Variants in RTN4RL1 observed in about 807,000 individuals in gnomAD.
The protein encoded by RTN4RL1 is reticulon-4 receptor-like 1.
In RTN4RL1, 7 loss-of-function variants were observed where a neutral mutation model predicts 25.6. That is an observed-to-expected ratio of 0.27 (90% CI 0.16 to 0.51). RTN4RL1 has a LOEUF of 0.51. Ranked by LOEUF, RTN4RL1 falls within the 20% of genes least tolerant of loss-of-function variation. The probability of loss-of-function intolerance (pLI) is 0.97; values close to 1 mark genes in which losing one functional copy is unlikely to be tolerated. For synonymous variants in RTN4RL1, 297 were observed against 288.2 expected (o/e 1.03, Z -0.31); for missense variants, 500 against 615.6 (o/e 0.81, Z 1.99).
rs573978641 is a variant in RTN4RL1, at chr17:1,957,750, A to G, written c.14-19942T>C. ...TCCCAGCTACTCGGGAGGCTGAGGC[A>G]GGAGAATCGCTTGAACCCAGGAGGT... On this transcript the variant is annotated intron_variant, in intron 1 of 1. Transcript: ENST00000331238. Among the ~76,000 whole-genome samples, 111 of 152,322 alleles carry G rather than the reference A, an allele frequency of 7.3e-4. 1 individual carries two copies. The highest frequency in any genetic ancestry group is 2.6e-3 in the African/African-American group (107 of 41,574).
At position 1,936,928 on chromosome 17, in the gene RTN4RL1, G is replaced by T. The variant is rs774535180; in HGVS notation, c.894C>A (p.Ala298=). ...GTCCCGTGCAGTTCCGGAAGTCCTC[G>T]GCCCTCAGCAGCTTCAGGTCCTGGC... The part of the protein sequence containing the change: ...RHGQDLKLLR[A]EDFRNCTGPA... Residue 298 remains alanine, a synonymous_variant, in exon 2 of 2, where the codon GCC becomes GCA. Transcript: ENST00000331238. The T allele has an allele frequency of 1.5e-5, 24 of 1,610,372 alleles. No homozygotes were observed. The highest frequency in any genetic ancestry group is 2.0e-5 in the Non-Finnish European group (23 of 1,179,102).
chr17:1,982,951 C>T (rs1461738135), intron 1 of RTN4RL1, among the ~76,000 whole-genome samples: 1 of 152,192 alleles, frequency 6.6e-6, no homozygotes, highest in Non-Finnish European at 1.5e-5. Context: ...AGTTCTCTCT[C>T]AGGCACCCCG....
chr17:1,984,446 C>A (rs762740059), intron 1 of RTN4RL1, among the ~76,000 whole-genome samples: 3 of 152,158 alleles, frequency 2.0e-5, no homozygotes, highest in Non-Finnish European at 4.4e-5. Flanking sequence ...TCACTGAAGC[C>A]TCAAACTCCT....
rs910812465 is a variant in RTN4RL1, at chr17:2,025,242, C to A, written c.-377G>T. 1.1e-5 allele frequency: 2 copies of A among 181,592 alleles called. No homozygotes were observed. Among genetic ancestry groups the A allele is most frequent in the Admixed American group, 6.2e-5 (1 of 16,082 alleles). The allele number at this position is 181,592 out of a possible 1,614,324, so 11.2% of individuals were successfully genotyped here. ...GCCCCCTCCTCTCCGCCCCCTCGGA[C>A]CACCGCCGCCGCGGCTGCAGCAAAA... On this transcript the variant is annotated 5_prime_UTR_variant, in exon 1 of 2. Transcript: ENST00000331238. The surrounding 1 kb of genome is among the most constrained non-coding windows in gnomAD (Gnocchi z 4.8).
intron 1 of RTN4RL1, among the ~76,000 whole-genome samples, chr17:1,950,924 C>T (rs1230859620): frequency 7.2e-6 from 1 of 139,350 alleles, no homozygotes; most frequent in Non-Finnish European, 1.5e-5. Flanking sequence ...GTCTCTCTTT[C>T]TCTGTGTGTG....
intron 1 of RTN4RL1, among the ~76,000 whole-genome samples, chr17:2,011,439 T>C (rs1294852720): frequency 3.3e-5 from 5 of 152,046 alleles, no homozygotes; most frequent in African/African-American, 7.2e-5. Context: ...CTCTTCCTTC[T>C]GGGAAAGCCA....
intron 1 of RTN4RL1, among the ~76,000 whole-genome samples, chr17:2,015,813 C>T (rs8068948): frequency 0.83 from 126,504 of 152,080 alleles, 53,105 homozygotes; most frequent in African/African-American, 0.95. Context: ...GGATGCAACA[C>T]CCCATCAGCC....
chr17:2,022,167 T>C (rs2067216265), intron 1 of RTN4RL1, among the ~76,000 whole-genome samples: 1 of 151,478 alleles, frequency 6.6e-6, no homozygotes, highest in South Asian at 2.1e-4. Flanking sequence ...ATACAAAAAA[T>C]GAGTCAAGCA....
chr17:1,951,517 T>C lies in RTN4RL1; in HGVS notation c.14-13709A>G, dbSNP rs528580957. ...CACAGGCTGGAGTGCAGTGGTGCGA[T>C]CTCGGCTCACTGCAACCTCTGCCTC... On this transcript the variant is annotated intron_variant, in intron 1 of 1. Transcript: ENST00000331238. Among the ~76,000 whole-genome samples the C allele has an allele frequency of 9.2e-5, 14 of 151,954 alleles. No homozygotes were observed. In the East Asian group the frequency reaches 2.6e-3, roughly 28 times the overall value.
At chr17:2,015,354 C>T (rs578255945) in intron 1 of RTN4RL1, among the ~76,000 whole-genome samples, 2 of 152,064 alleles carry the variant, frequency 1.3e-5, no homozygotes, top group African/African-American at 4.8e-5. Context: ...CACTGGGGGT[C>T]GGTGGGCAGG....
intron 1 of RTN4RL1, among the ~76,000 whole-genome samples, chr17:1,961,456 T>C (rs985441760): frequency 2.4e-4 from 37 of 152,178 alleles, no homozygotes; most frequent in Non-Finnish European, 3.7e-4. Context: ...GTCCCCTAAC[T>C]GATTGGCATT....
intron 1 of RTN4RL1, among the ~76,000 whole-genome samples, chr17:2,004,516 C>A (rs1269502099): frequency 1.3e-5 from 2 of 152,124 alleles, no homozygotes; most frequent in African/African-American, 4.8e-5. Flanking sequence ...AAGTGGCCGC[C>A]TGGAGTTCAA....
intron 1 of RTN4RL1, among the ~76,000 whole-genome samples, chr17:1,977,777 T>A (rs1256816968): frequency 1.3e-5 from 2 of 152,070 alleles, no homozygotes; most frequent in Non-Finnish European, 2.9e-5. Context: ...CTGTCCCAGT[T>A]GCCTGGCAAC....
intron 1 of RTN4RL1, chr17:2,020,617 G>A (rs1172936813): frequency 6.6e-6 from 1 of 152,184 alleles, no homozygotes; most frequent in African/African-American, 2.4e-5. Context: ...TCTAGCTCTC[G>A]CTGAATTATT....
At position 1,998,040 on chromosome 17, in the gene RTN4RL1, CCCGCCT is replaced by C. The variant is rs2066937538; in HGVS notation, c.13+26807_13+26812del. Among the ~76,000 whole-genome samples the C allele has an allele frequency of 6.6e-6, 1 of 152,162 alleles. No individual in the cohort carries two copies. Among genetic ancestry groups the C allele is most frequent in the Admixed American group, 6.5e-5 (1 of 15,282 alleles). ...GGGTGCCGGGCGCCCCACCCCCACC[CCCGCCT>C]CCGCCCCAGGCCGCGATCGATCCCG... On this transcript the variant is annotated intron_variant, in intron 1 of 1. Transcript: ENST00000331238. The surrounding 1 kb of genome is among the most constrained non-coding windows in gnomAD (Gnocchi z 4.9).
chr17:2,021,633 T>C (rs8065754), intron 1 of RTN4RL1, among the ~76,000 whole-genome samples: 129,181 of 148,104 alleles, frequency 0.87, 56,375 homozygotes, highest in Admixed American at 0.91. Flanking sequence ...TGGCTCACTG[T>C]AACCTCCGCC....
Position 1,943,097 on chromosome 17 carries a change from C to T in RTN4RL1, c.14-5289G>A, listed in dbSNP as rs369758758. 4.0e-4 allele frequency among the ~76,000 whole-genome samples: 61 copies of T among 152,298 alleles called. 1 individual carries two copies. In the South Asian group the frequency reaches 0.012, roughly 31 times the overall value. ...TTGTGGAGGGCACTCTGCAGCTTCC[C>T]GGCCCCTGGAAGCAGGACAGGACCA... On this transcript the variant is annotated intron_variant, in intron 1 of 1. Transcript: ENST00000331238.
At chr17:1,950,724 G>A (rs888161255) in intron 1 of RTN4RL1, among the ~76,000 whole-genome samples, 2 of 151,690 alleles carry the variant, frequency 1.3e-5, no homozygotes, top group African/African-American at 4.8e-5. Context: ...GCGCGCACCT[G>A]TAATCCCAGC....
chr17:2,007,374 A>ACTCT (rs1555521081), intron 1 of RTN4RL1, among the ~76,000 whole-genome samples: 1 of 142,488 alleles, frequency 7.0e-6, no homozygotes, highest in Admixed American at 7.0e-5. Flanking sequence ...ACACACACAC[A>ACTCT]CTCTTCCTCT....
Sources: allele counts gnomAD v4.1 joint callset (sites outside exome capture counted in the v4.1 genomes callset), GRCh38; gene constraint gnomAD v4.1.1; non-coding constraint Gnocchi (gnomAD v3.1); transcripts MANE v1.5; gene names NCBI Gene and HGNC (gene_info 2026-07-23, HGNC 2026-07-21).